TRPV1: variants seen among roughly 807,000 people sequenced by gnomAD.
TRPV1 encodes the protein transient receptor potential cation channel subfamily V member 1, also known as OTRPC1.
In TRPV1, 82 loss-of-function variants were observed where a neutral mutation model predicts 82.3. The ratio of observed to expected loss-of-function variants is 1.00; its 90% CI spans 0.83 to 1.20. The LOEUF is 1.20. Ranked by LOEUF, TRPV1 falls within the 50% of genes most tolerant of loss-of-function variation. The probability of loss-of-function intolerance (pLI) is 0.00; values close to 1 mark genes in which losing one functional copy is unlikely to be tolerated. For missense variants in TRPV1, 1,067 were observed against 1,096.8 expected (o/e 0.97, Z 0.38); for synonymous variants, 515 against 467.7 (o/e 1.10, Z -1.30).
rs2074856912 is a variant in TRPV1 at position 3,571,731 on chromosome 17, C to T, written c.2232-92G>A. The T allele has an allele frequency of 3.0e-6, 3 of 983,944 alleles. No homozygotes were observed. The South Asian group carries it at 4.3e-5, about 14-fold the overall frequency. 61.0% of individuals were successfully genotyped at this position (983,944 alleles called of 1,614,324 possible). ...ACAGGCCAAGCCCAAGAAACCCACC[C>T]ATCAGGATGGAGATGTGGTGGGTCG... On this transcript the variant is annotated intron_variant, in intron 15 of 16. Coordinates refer to ENST00000572705, the MANE Select transcript of TRPV1 (RefSeq NM_080704.4).
At position 3,591,382 on chromosome 17, in the gene TRPV1, T is replaced by C; in HGVS notation, c.285-29A>G. On this transcript the variant is annotated intron_variant, in intron 3 of 16. Coordinates refer to ENST00000572705, the MANE Select transcript of TRPV1 (RefSeq NM_080704.4). ...TGGGCCAGAAAACACGCTCGTCTCA[T>C]ACCCTGGCCTCCCCTCGGCCCTGAG... 3.2e-6 allele frequency: 5 copies of C among 1,539,600 alleles called. No individual in the cohort carries two copies. The East Asian group carries it at 6.8e-5, about 21-fold the overall frequency.
chr17:3,588,112 G>T lies in TRPV1; in HGVS notation c.1224+76C>A, dbSNP rs1393003694. ...TTTCCCTCCTGAGAAGCCAGCTGGA[G>T]CTGGACCAGGGGCTGGGATTGGGGC... On this transcript the variant is annotated intron_variant, in intron 8 of 16. Transcript: ENST00000572705. 7 of 1,494,052 alleles carry T rather than the reference G, an allele frequency of 4.7e-6. No homozygotes were observed. The East Asian group carries it at 1.7e-4, about 37-fold the overall frequency. The allele number at this position is 1,494,052 out of a possible 1,614,324, so 92.5% of individuals were successfully genotyped here.
At chr17:3,607,629 A>G (rs2075305101) in intron 2 of TRPV1, among the ~76,000 whole-genome samples, 1 of 150,706 alleles carries the variant, frequency 6.6e-6, no homozygotes, top group African/African-American at 2.4e-5. Context: ...CTCTGCTTCC[A>G]GAGCTCAAGC....
chr17:3,594,973 C>A (rs941368632), intron 2 of TRPV1, among the ~76,000 whole-genome samples: 1 of 152,084 alleles, frequency 6.6e-6, no homozygotes, highest in African/African-American at 2.4e-5. Context: ...ACCAGATGGC[C>A]GTCAGCCTTA....
chr17:3,596,693 C>T (rs549040833), intron 2 of TRPV1, among the ~76,000 whole-genome samples: 255 of 152,348 alleles, frequency 1.7e-3, no homozygotes, highest in African/African-American at 5.8e-3. Context: ...TTCCAAGGAG[C>T]CAGGCTGAGG....
At chr17:3,573,532 G>GCACCCCCCC (rs1555548974) in intron 14 of TRPV1, 101 bp downstream of exon 14, 1 of 255,776 alleles carries the variant, frequency 3.9e-6, no homozygotes. Context: ...GCCACACACC[G>GCACCCCCCC]CCCCCACCAC....
intron 14 of TRPV1, 86 bp downstream of exon 14, chr17:3,573,527 ACACCGCCCCCACCACCCACC>A: frequency 5.1e-5 from 1 of 19,704 alleles, no homozygotes. Flanking sequence ...TCCTGGCCAC[ACACCGCCCCCACCACCCACC>A]CACCTGCAGC....
At chr17:3,587,853 GAAA>G (rs34330693) in intron 8 of TRPV1, among the ~76,000 whole-genome samples, 1 of 144,718 alleles carries the variant, frequency 6.9e-6, no homozygotes. Context: ...GCCATCAAGT[GAAA>G]AAAAAAAAAG....
chr17:3,576,668 A>AAAAAAAAAATATATATAT, intron 13 of TRPV1, among the ~76,000 whole-genome samples: 38 of 38,410 alleles, frequency 9.9e-4, no homozygotes, highest in Non-Finnish European at 1.4e-3. Context: ...AAAAAAAAAA[A>AAAAAAAAAATATATATAT]ATATATATAT....
chr17:3,585,103 C>A (rs1239342386), intron 9 of TRPV1: 2 of 151,854 alleles, frequency 1.3e-5, no homozygotes, highest in African/African-American at 4.8e-5. Flanking sequence ...CCTGGGGACC[C>A]CCAGGCCAGG....
intron 16 of TRPV1, among the ~76,000 whole-genome samples, 159 bp downstream of exon 16, chr17:3,571,365 C>T (rs1235925551): frequency 1.3e-5 from 2 of 152,296 alleles, no homozygotes; most frequent in South Asian, 2.1e-4. Flanking sequence ...CAAGTCAGCC[C>T]GTGACTATGT....
intron 2 of TRPV1, among the ~76,000 whole-genome samples, chr17:3,596,354 G>C (rs1413424824): frequency 1.3e-5 from 2 of 152,128 alleles, no homozygotes; most frequent in African/African-American, 4.8e-5. Context: ...TCGCCACTGG[G>C]GACTTTCTGG....
chr17:3,585,829 A>G lies in TRPV1; in HGVS notation c.1322T>C (p.Val441Ala). The G allele has an allele frequency of 6.2e-7, 1 of 1,613,920 alleles. No individual in the cohort carries two copies. The highest frequency in any genetic ancestry group is 8.5e-7 in the Non-Finnish European group (1 of 1,179,862). The change falls in exon 9 of 17, where the codon GTC (valine) becomes GCC (alanine). Residue 441 changes from valine (V) to alanine (A), a missense_variant. By Grantham distance (64) the Val-to-Ala change is moderately conservative. Coordinates refer to ENST00000572705, the MANE Select transcript of TRPV1 (RefSeq NM_080704.4). ...GAAGATGATCATGTACAGGCAGTAG[A>G]CCAGGAAGTTGAAGTAGAAGATGCG... ...VKRIFYFNFL[V>A]YCLYMIIFTM... is the part of the protein sequence containing the mutation.
At chr17:3,588,986 G>C (rs927292021) in intron 7 of TRPV1, 4 of 1,533,006 alleles carry the variant, frequency 2.6e-6, no homozygotes, top group Non-Finnish European at 3.5e-6. Flanking sequence ...AAGAAAGAAA[G>C]AGAATGCAAG....
At chr17:3,584,036 C>G (rs1026254825) in intron 9 of TRPV1, among the ~76,000 whole-genome samples, 1 of 151,784 alleles carries the variant, frequency 6.6e-6, no homozygotes, top group Non-Finnish European at 1.5e-5. Context: ...TTTGGGAGGC[C>G]GAGGCGGGCG....
intron 10 of TRPV1, among the ~76,000 whole-genome samples, chr17:3,581,747 C>T (rs224524): frequency 0.38 from 52,561 of 138,046 alleles, 12,874 homozygotes; most frequent in East Asian, 0.75. Flanking sequence ...TAGCCGGGCG[C>T]GGTGGCACGC....
chr17:3,604,520 C>A (rs1335647237), intron 2 of TRPV1, among the ~76,000 whole-genome samples: 2 of 151,546 alleles, frequency 1.3e-5, no homozygotes, highest in Non-Finnish European at 2.9e-5. Context: ...ACTGCTTAAA[C>A]CCAGGAGGCG....
intron 10 of TRPV1, 120 bp downstream of exon 10, chr17:3,583,218 G>A: frequency 1.1e-6 from 1 of 900,598 alleles, no homozygotes. Flanking sequence ...GCGTCTCTCA[G>A]CTCCCCAAGT....
At chr17:3,583,532 C>T in intron 9 of TRPV1, 102 bp from the exon 10 acceptor site, 3 of 972,764 alleles carry the variant, frequency 3.1e-6, no homozygotes, top group South Asian at 3.0e-5. Flanking sequence ...GGAGGCACAG[C>T]CTCCATCAGG....
Sources: gnomAD v4.1 joint callset for allele counts (sites outside exome capture counted in the v4.1 genomes callset) on GRCh38, gnomAD v4.1.1 for gene constraint, MANE v1.5 for transcripts, NCBI Gene and HGNC (gene_info 2026-07-23, HGNC 2026-07-21) for gene names.